Variants in GET4 observed in about 807,000 individuals in gnomAD.
GET4 encodes the protein guided entry of tail-anchored proteins factor 4.
Under a neutral mutation model 40.0 loss-of-function variants are expected in GET4, and 20 were observed. That is an observed-to-expected ratio of 0.50 (90% CI 0.35 to 0.73). GET4 has a LOEUF of 0.73. GET4 is among the 30% of genes least tolerant of loss of function. The pLI, the probability that GET4 is intolerant of heterozygous loss-of-function variation, is 0.01. For synonymous variants in GET4, 280 were observed against 194.6 expected (o/e 1.44, Z -3.65); for missense variants, 557 against 454.0 (o/e 1.23, Z -2.06).
rs554332081 is a variant in GET4, at chr7:876,599, C to T, written c.-47C>T. 14 of 1,159,516 alleles carry T rather than the reference C, an allele frequency of 1.2e-5. No individual in the cohort carries two copies. The South Asian group carries it at 2.5e-4, about 21-fold the overall frequency. 71.8% of individuals were successfully genotyped at this position (1,159,516 alleles called of 1,614,324 possible). The stretch of plus-strand genomic sequence containing the variant: ...TCGGGACGGAAGCCGGGAGGCGCTG[C>T]CGACCGCGCCTGCGACAGCGTCAGC... On this transcript the variant is annotated 5_prime_UTR_variant, in exon 1 of 9. Transcript: ENST00000265857.
chr7:885,154 G>T (rs181386910), intron 1 of GET4: 3 of 152,322 alleles, frequency 2.0e-5, no homozygotes, highest in Admixed American at 2.0e-4. Flanking sequence ...AAGGACATTT[G>T]GCTCGCAGGC....
intron 4 of GET4, 34 bp downstream of exon 4, chr7:887,553 C>T: frequency 4.1e-6 from 6 of 1,474,244 alleles, no homozygotes; most frequent in South Asian, 1.4e-5. Context: ...GTGGGCACCT[C>T]TCTGCTCTCG....
rs375357077 is a variant in GET4 at position 895,436 on chromosome 7, C to G, written c.*14C>G. 7.1e-7 allele frequency: 1 copy of G among 1,407,092 alleles called. No individual in the cohort carries two copies. The highest frequency in any genetic ancestry group is 1.4e-5 in the African/African-American group (1 of 70,602). 87.2% of individuals were successfully genotyped at this position (1,407,092 alleles called of 1,614,324 possible). On this transcript the variant is annotated 3_prime_UTR_variant, in exon 9 of 9. Transcript: ENST00000265857. ...GAGCTGGACTGAACTGGCCAGGCCA[C>G]GTGGAGACACCACGGTCGACGACGG...
intron 6 of GET4, among the ~76,000 whole-genome samples, 183 bp from the exon 7 acceptor site, chr7:893,557 G>GT (rs1334380731): frequency 2.4e-4 from 35 of 143,776 alleles, no homozygotes; most frequent in Non-Finnish European, 4.8e-4. Flanking sequence ...GCAGGTGAGT[G>GT]TTGGGCGTAG....
At chr7:887,608 C>T (rs1844217677) in intron 4 of GET4, 89 bp downstream of exon 4, 3 of 1,050,914 alleles carry the variant, frequency 2.9e-6, no homozygotes, top group Non-Finnish European at 2.6e-6. Context: ...GGTCACCCAC[C>T]AGGGCAGAGA....
chr7:876,779 T>G lies in GET4; in HGVS notation c.134T>G (p.Met45Arg). 7.7e-7 allele frequency: 1 copy of G among 1,304,370 alleles called. No homozygotes were observed. Among genetic ancestry groups the G allele is most frequent in the Non-Finnish European group, 9.9e-7 (1 of 1,011,808 alleles). 80.8% of individuals were successfully genotyped at this position (1,304,370 alleles called of 1,614,324 possible). Residue 45 changes from methionine (M) to arginine (R), a missense_variant, in exon 1 of 9, where the codon ATG (methionine) becomes AGG (arginine). Transcript: ENST00000265857. ...EKGDYYEAHQ[M>R]YRTLFFRYMS... is the part of the protein sequence containing the mutation. ...GGCGACTACTACGAGGCGCACCAGA[T>G]GTACCGGACCCTGTTCTTCAGGTAC... is the stretch of plus-strand genomic sequence containing the variant.
Position 896,341 on chromosome 7 carries a change from T to C in GET4, c.*919T>C, listed in dbSNP as rs377677188. The C allele has an allele frequency of 2.0e-5, 3 of 152,184 alleles. No homozygotes were observed. Among genetic ancestry groups the C allele is most frequent in the African/African-American group, 4.8e-5 (2 of 41,430 alleles). The allele number at this position is 152,184 out of a possible 1,614,324, so 9.4% of individuals were successfully genotyped here. A position where few individuals can be genotyped will look rare whatever the true frequency, so the allele number is the denominator to read the frequency against. The stretch of plus-strand genomic sequence containing the variant: ...TTGTAGATTGATACGCAGTTGTGCA[T>C]GGGAAGGGGAAACGCACAGCTTTAT... On this transcript the variant is annotated 3_prime_UTR_variant, in exon 9 of 9. Transcript: ENST00000265857.
chr7:882,923 A>G (rs1443705113), intron 1 of GET4: 1 of 152,284 alleles, frequency 6.6e-6, no homozygotes, highest in Admixed American at 6.5e-5. Flanking sequence ...GTCTGCCCAC[A>G]CGGTCGTGGG....
Position 891,019 on chromosome 7 carries a change from C to T in GET4, c.558C>T (p.Arg186=), listed in dbSNP as rs139373772. ...TGCTGGTGGAGTATTCCACGTCCCG[C>T]GGCTTCCGCAGCGAGGTGGACATGT... is the stretch of plus-strand genomic sequence containing the variant. ...ANMLVEYSTS[R]GFRSEVDMFV... is the part of the protein sequence containing the mutation. Residue 186 remains arginine (R), a synonymous_variant, in exon 5 of 9, where the codon CGC becomes CGT. Coordinates refer to ENST00000265857, the MANE Select transcript of GET4 (RefSeq NM_015949.3). The T allele has an allele frequency of 7.3e-5, 117 of 1,611,012 alleles. No homozygotes were observed. The highest frequency in any genetic ancestry group is 5.1e-4 in the South Asian group (46 of 90,936).
At chr7:883,771 C>G in intron 1 of GET4, 5 of 988,128 alleles carry the variant, frequency 5.1e-6, no homozygotes, top group Non-Finnish European at 6.0e-6. Context: ...ACCTGGAAAC[C>G]AAAATCCTTC....
chr7:892,994 G>A (rs903460061), intron 6 of GET4, among the ~76,000 whole-genome samples: 6 of 151,472 alleles, frequency 4.0e-5, no homozygotes, highest in Non-Finnish European at 7.4e-5. Flanking sequence ...AGTGTTGGGG[G>A]CGGGCGTGGT....
intron 1 of GET4, among the ~76,000 whole-genome samples, chr7:877,504 C>A (rs1843986234): frequency 1.1e-5 from 1 of 87,702 alleles, no homozygotes; most frequent in Non-Finnish European, 2.3e-5. Flanking sequence ...GCCCACCCCC[C>A]GTCTCTCTCT....
chr7:889,332 G>A (rs560389626), intron 4 of GET4, among the ~76,000 whole-genome samples: 1 of 152,382 alleles, frequency 6.6e-6, no homozygotes, highest in Admixed American at 6.5e-5. Context: ...GCAGTCCTGA[G>A]CACAGGCTCC....
At chr7:890,899 A>G (rs1308271036) in intron 4 of GET4, 29 bp from the exon 5 acceptor site, 8 of 1,541,748 alleles carry the variant, frequency 5.2e-6, no homozygotes, top group South Asian at 1.1e-5. Flanking sequence ...CGTGAAATGT[A>G]TTTACATTTT....
At chr7:891,991 A>C (rs1479334129) in intron 5 of GET4, among the ~76,000 whole-genome samples, 1 of 152,152 alleles carries the variant, frequency 6.6e-6, no homozygotes, top group Non-Finnish European at 1.5e-5. Context: ...GCCTCAGGAG[A>C]GGAGAGCTTG....
rs545381440 is a variant in GET4 at position 876,760 on chromosome 7, T to A, written c.115T>A (p.Tyr39Asn). The change falls in exon 1 of 9, where the codon TAC becomes AAC. Residue 39 changes from tyrosine (Y) to asparagine (N), a missense_variant. By Grantham distance (143) the Tyr-to-Asn change is moderately radical. Coordinates refer to ENST00000265857, the MANE Select transcript of GET4 (RefSeq NM_015949.3). ...GCGCGCCAGCGTCGAGAAGGGCGAC[T>A]ACTACGAGGCGCACCAGATGTACCG... Reference protein sequence around the residue: ...KLRASVEKGDYYEAHQMYRTL... With the variant: ...KLRASVEKGDNYEAHQMYRTL... The A allele has an allele frequency of 1.5e-6, 2 of 1,361,252 alleles. No homozygotes were observed. Among genetic ancestry groups the A allele is most frequent in the African/African-American group, 3.1e-5 (2 of 64,502 alleles). The allele number at this position is 1,361,252 out of a possible 1,614,324, so 84.3% of individuals were successfully genotyped here. A position where few individuals can be genotyped will look rare whatever the true frequency, so the allele number is the denominator to read the frequency against.
intron 1 of GET4, chr7:883,003 C>T (rs1844118111): frequency 6.6e-6 from 1 of 152,312 alleles, no homozygotes; most frequent in Non-Finnish European, 1.5e-5. Flanking sequence ...CGGCCTCTGA[C>T]CTTCTTTTGT....
At chr7:890,380 TC>T (rs1844292329) in intron 4 of GET4, among the ~76,000 whole-genome samples, 1 of 52,614 alleles carries the variant, frequency 1.9e-5, no homozygotes, top group Non-Finnish European at 3.7e-5. Context: ...CAGGACGGGG[TC>T]TGGGAGTGGA....
chr7:890,361 AGCGG>A, intron 4 of GET4, among the ~76,000 whole-genome samples: 1 of 45,360 alleles, frequency 2.2e-5, no homozygotes, highest in African/African-American at 8.6e-5. Flanking sequence ...AGGGAGTGCG[AGCGG>A]GTGTCAGGAC....
Sources: gnomAD v4.1 joint callset for allele counts (sites outside exome capture counted in the v4.1 genomes callset) on GRCh38, gnomAD v4.1.1 for gene constraint, MANE v1.5 for transcripts, NCBI Gene and HGNC (gene_info 2026-07-23, HGNC 2026-07-21) for gene names.